Variants in GRM5 observed in about 807,000 individuals in gnomAD.
GRM5 encodes metabotropic glutamate receptor 5.
In GRM5, 19 loss-of-function variants were observed where a neutral mutation model predicts 83.1. The ratio of observed to expected loss-of-function variants is 0.23; its 90% CI spans 0.16 to 0.34. The LOEUF is 0.34. Ranked by LOEUF, GRM5 falls within the 10% of genes least tolerant of loss-of-function variation. The pLI is 1.00. For missense variants in GRM5, 1,160 were observed against 1,588.3 expected (o/e 0.73, Z 4.58); for synonymous variants, 675 against 633.6 (o/e 1.07, Z -0.98).
intron 6 of GRM5, among the ~76,000 whole-genome samples, chr11:88,595,583 T>C (rs1199827303): frequency 6.6e-6 from 1 of 152,246 alleles, no homozygotes; most frequent in Non-Finnish European, 1.5e-5. Flanking sequence ...CAGGATTTCA[T>C]TCTTTGTTAT....
intron 7 of GRM5, among the ~76,000 whole-genome samples, chr11:88,574,971 G>A (rs559335981): frequency 2.1e-3 from 304 of 141,476 alleles, no homozygotes; most frequent in Admixed American, 3.2e-3. Flanking sequence ...GCTGTTAATT[G>A]TAACTTTTCT....
At chr11:88,937,987 G>T (rs1937956656) in intron 2 of GRM5, among the ~76,000 whole-genome samples, 1 of 151,670 alleles carries the variant, frequency 6.6e-6, no homozygotes, top group South Asian at 2.1e-4. Flanking sequence ...TGAGCATGAT[G>T]CCTAGAGCTG....
rs1210681999 is a variant in GRM5 at position 88,506,268 on chromosome 11, A to T, written c.*2324T>A. ...AGAAAATGAATTTGACCATGAACAA[A>T]GTTTAAACATGTTCTTCAACTGGTC... On this transcript the variant is annotated 3_prime_UTR_variant, in exon 10 of 10. Transcript: ENST00000305447. 6.6e-6 allele frequency: 1 copy of T among 152,212 alleles called. No individual in the cohort carries two copies. The highest frequency in any genetic ancestry group is 1.5e-5 in the Non-Finnish European group (1 of 68,028). The allele number at this position is 152,212 out of a possible 1,614,324, so 9.4% of individuals were successfully genotyped here. A position where few individuals can be genotyped will look rare whatever the true frequency, so the allele number is the denominator to read the frequency against.
intron 1 of GRM5, among the ~76,000 whole-genome samples, chr11:89,057,198 C>A (rs1294398159): frequency 1.3e-5 from 2 of 152,128 alleles, no homozygotes; most frequent in African/African-American, 4.8e-5. Flanking sequence ...GGCCTCATCA[C>A]AAACAGTCAG....
chr11:88,514,844 T>C (rs1379575274), intron 9 of GRM5, among the ~76,000 whole-genome samples: 1 of 152,174 alleles, frequency 6.6e-6, no homozygotes, highest in African/African-American at 2.4e-5. Context: ...AATTAATACA[T>C]GTATTGCATA....
rs1309628320 is a variant in GRM5, at chr11:88,989,075, G to A, written c.661+58137C>T. Among the ~76,000 whole-genome samples, 833 of 145,712 alleles carry A rather than the reference G, an allele frequency of 5.7e-3. 5 individuals are homozygous for A. The highest frequency in any genetic ancestry group is 9.2e-3 in the Non-Finnish European group (590 of 64,280). ...AAAGACACAGACTGACAAATTGGATGAAGAGTCAAGACCCATCAGTGTGCT... is the reference window on the plus strand; with the variant it reads ...AAAGACACAGACTGACAAATTGGATAAAGAGTCAAGACCCATCAGTGTGCT... On this transcript the variant is annotated intron_variant, in intron 2 of 9. Transcript: ENST00000305447.
chr11:88,981,027 T>G (rs1939502360), intron 2 of GRM5, among the ~76,000 whole-genome samples: 1 of 152,076 alleles, frequency 6.6e-6, no homozygotes, highest in Non-Finnish European at 1.5e-5. Flanking sequence ...AAAAATGAGT[T>G]TTTTAAAAAA....
chr11:88,533,820 CTGGAGGCTTAGGAGGAAAAAG>C (rs1017525397), intron 8 of GRM5, among the ~76,000 whole-genome samples: 2 of 152,192 alleles, frequency 1.3e-5, no homozygotes, highest in African/African-American at 4.8e-5. Flanking sequence ...CATCACAGAT[CTGGAGGCTTAGGAGGAAAAAG>C]TGGTTTCGTG....
intron 2 of GRM5, among the ~76,000 whole-genome samples, chr11:88,986,100 T>C (rs375761322): frequency 6.6e-6 from 1 of 152,152 alleles, no homozygotes; most frequent in Non-Finnish European, 1.5e-5. Flanking sequence ...ATTACAGATA[T>C]CCTTAAATGG....
chr11:88,869,110 G>T (rs1001447130), intron 2 of GRM5, among the ~76,000 whole-genome samples: 4 of 151,722 alleles, frequency 2.6e-5, no homozygotes, highest in African/African-American at 4.8e-5. Flanking sequence ...CTCTGAAGCA[G>T]ATGGAAGCAG....
rs144811109 is a variant in GRM5, at chr11:89,061,730, G to T, written c.-201+4046C>A. Among the ~76,000 whole-genome samples, 526 of 152,314 alleles carry T rather than the reference G, an allele frequency of 3.5e-3. 1 individual carries two copies. Among genetic ancestry groups the T allele is most frequent in the South Asian group, 0.012 (60 of 4,818 alleles). On this transcript the variant is annotated intron_variant, in intron 1 of 9. Coordinates refer to ENST00000305447, the MANE Select transcript of GRM5 (RefSeq NM_001143831.3). ...TAAAGGCCTGTGTCTACCTATGGAA[G>T]AAAAGTGAAAAACTTGGATTATTCA... is the stretch of plus-strand genomic sequence containing the variant.
At chr11:89,044,538 G>T (rs1162139056) in intron 2 of GRM5, among the ~76,000 whole-genome samples, 2 of 152,070 alleles carry the variant, frequency 1.3e-5, no homozygotes, top group African/African-American at 4.8e-5. Context: ...GTACGGTTAG[G>T]TTTAAGTATA....
intron 8 of GRM5, among the ~76,000 whole-genome samples, chr11:88,542,099 T>C (rs112975487): frequency 0.029 from 4,489 of 152,294 alleles, 211 homozygotes; most frequent in South Asian, 0.16. Flanking sequence ...ACCTCTTTCC[T>C]TTATAAATTA....
chr11:88,940,751 G>A (rs1938062916), intron 2 of GRM5, among the ~76,000 whole-genome samples: 1 of 151,732 alleles, frequency 6.6e-6, no homozygotes, highest in African/African-American at 2.4e-5. Flanking sequence ...AATAGTCTTG[G>A]TGATGCAATT....
intron 1 of GRM5, among the ~76,000 whole-genome samples, chr11:89,056,887 T>C (rs1392400371): frequency 6.6e-6 from 1 of 152,186 alleles, no homozygotes; most frequent in African/African-American, 2.4e-5. Flanking sequence ...TAGCACATTA[T>C]AGAAAACAAT....
chr11:88,966,324 G>C (rs1938960051), intron 2 of GRM5, among the ~76,000 whole-genome samples: 1 of 151,916 alleles, frequency 6.6e-6, no homozygotes, highest in Non-Finnish European at 1.5e-5. Context: ...ACAAATTAGA[G>C]AATGAAGAGA....
chr11:88,941,128 T>G (rs1472622181), intron 2 of GRM5, among the ~76,000 whole-genome samples: 1 of 151,608 alleles, frequency 6.6e-6, no homozygotes, highest in Non-Finnish European at 1.5e-5. Context: ...AGAAGCAAAG[T>G]TTTTCTGAAA....
At position 88,597,314 on chromosome 11, in the gene GRM5, T is replaced by A. The variant is rs202006324; in HGVS notation, c.1433A>T (p.Tyr478Phe). The A allele has an allele frequency of 1.0e-5, 16 of 1,554,280 alleles. No individual in the cohort carries two copies. The Admixed American group carries it at 2.2e-4, about 21-fold the overall frequency. ...IMNFKEMGKD[Y>F]FDYINVGSWD... The stretch of plus-strand genomic sequence containing the variant: ...ACTTCCAACGTTGATATAATCAAAG[T>A]AATCTTTTCCCATTTCCTTGAAATT... The change falls in exon 6 of 10, where the codon TAC (tyrosine) becomes TTC (phenylalanine). Residue 478 changes from tyrosine to phenylalanine, a missense_variant. Tyr to Phe is a conservative substitution (Grantham distance 22, BLOSUM62 3). Coordinates refer to ENST00000305447, the MANE Select transcript of GRM5 (RefSeq NM_001143831.3).
chr11:89,033,289 G>A (rs560378756), intron 2 of GRM5, among the ~76,000 whole-genome samples: 10 of 151,832 alleles, frequency 6.6e-5, no homozygotes, highest in African/African-American at 2.4e-4. Flanking sequence ...ATGGTTTCCA[G>A]AGCAATTCCA....
Sources: gnomAD v4.1 joint callset for allele counts (sites outside exome capture counted in the v4.1 genomes callset) on GRCh38, gnomAD v4.1.1 for gene constraint, MANE v1.5 for transcripts, NCBI Gene and HGNC (gene_info 2026-07-23, HGNC 2026-07-21) for gene names.